Variants in ABLIM2 observed in about 807,000 individuals in gnomAD.
The protein encoded by ABLIM2 is actin-binding LIM protein 2.
In ABLIM2, 53 loss-of-function variants were observed where a neutral mutation model predicts 97.7. The ratio of observed to expected loss-of-function variants is 0.54; its 90% CI spans 0.44 to 0.68. ABLIM2 has a LOEUF of 0.68. Among genes scored for constraint, ABLIM2 ranks in the 30% least tolerant of loss-of-function variants. The probability of loss-of-function intolerance (pLI) is 0.00; values close to 1 mark genes in which losing one functional copy is unlikely to be tolerated. For synonymous variants in ABLIM2, 361 were observed against 345.8 expected (o/e 1.04, Z -0.49); for missense variants, 835 against 867.2 (o/e 0.96, Z 0.47).
intron 20 of ABLIM2, among the ~76,000 whole-genome samples, chr4:7,980,332 C>T (rs1237249309): frequency 6.6e-6 from 1 of 152,126 alleles, no homozygotes; most frequent in African/African-American, 2.4e-5. Context: ...TCCTGTATGA[C>T]TCTAGTATAG....
At chr4:8,025,486 C>A (rs954010890) in intron 12 of ABLIM2, among the ~76,000 whole-genome samples, 1 of 152,054 alleles carries the variant, frequency 6.6e-6, no homozygotes, top group Non-Finnish European at 1.5e-5. Context: ...TGCTACAAGG[C>A]GTGGAAGGAA....
At chr4:7,973,609 T>C (rs535918280) in intron 20 of ABLIM2, among the ~76,000 whole-genome samples, 51 of 152,260 alleles carry the variant, frequency 3.3e-4, no homozygotes, top group African/African-American at 1.2e-3. Flanking sequence ...TTAAGCAGTT[T>C]GGTTTTTAGC....
intron 20 of ABLIM2, among the ~76,000 whole-genome samples, chr4:7,974,513 A>G (rs188529853): frequency 2.0e-5 from 3 of 146,776 alleles, no homozygotes; most frequent in South Asian, 4.3e-4. Flanking sequence ...TAATCCATTC[A>G]TCTGTCCACC....
In ABLIM2 at chr4:8,087,979, C is replaced by T. The variant is rs1411595852; in HGVS notation, c.454+190G>A. On this transcript the variant is annotated intron_variant, in intron 4 of 20. Coordinates refer to ENST00000447017, the MANE Select transcript of ABLIM2 (RefSeq NM_001130083.2). The surrounding 1 kb of genome is among the most constrained non-coding windows in gnomAD (Gnocchi z 4.6). The stretch of plus-strand genomic sequence containing the variant: ...TGCAGAGACCAAGCCCCCAACTCAG[C>T]ACCCCCCCCACAACCAGCAAGCCCC... 7.3e-6 allele frequency among the ~76,000 whole-genome samples: 1 copy of T among 137,142 alleles called. No individual in the cohort carries two copies. The highest frequency in any genetic ancestry group is 1.6e-5 in the Non-Finnish European group (1 of 63,388). The allele number at this position is 137,142 out of a possible 152,430, so 90.0% of individuals were successfully genotyped here.
intron 4 of ABLIM2, 88 bp from the exon 5 acceptor site, chr4:8,080,890 C>T: frequency 6.7e-7 from 1 of 1,490,186 alleles, no homozygotes; most frequent in Non-Finnish European, 9.0e-7. Flanking sequence ...CGTGAAGGCC[C>T]CTGGGGCAGC....
At chr4:8,028,964 G>GAA (rs1197093589) in intron 11 of ABLIM2, among the ~76,000 whole-genome samples, 1 of 152,236 alleles carries the variant, frequency 6.6e-6, no homozygotes, top group Non-Finnish European at 1.5e-5. Context: ...AAGCAGCTTG[G>GAA]AAAAATCCCT....
At position 8,019,756 on chromosome 4, in the gene ABLIM2, G is replaced by C; in HGVS notation, c.1370-85C>G. The C allele has an allele frequency of 7.7e-7, 1 of 1,296,620 alleles. No homozygotes were observed. The highest frequency in any genetic ancestry group is 1.9e-5 in the Admixed American group (1 of 53,014). The allele number at this position is 1,296,620 out of a possible 1,614,324, so 80.3% of individuals were successfully genotyped here. A position where few individuals can be genotyped will look rare whatever the true frequency, so the allele number is the denominator to read the frequency against. On this transcript the variant is annotated intron_variant, in intron 13 of 20. Coordinates refer to ENST00000447017, the MANE Select transcript of ABLIM2 (RefSeq NM_001130083.2). This position sits in a 1 kb window ranked among gnomAD's most constrained non-coding sequence, Gnocchi z 4.3. ...GTTTCTGTTCTACAGCTTTTTGTAA[G>C]CAACAAGCACTCACCCAGATTTAGA...
At chr4:8,040,969 C>T (rs537610577) in intron 9 of ABLIM2, among the ~76,000 whole-genome samples, 1 of 152,364 alleles carries the variant, frequency 6.6e-6, no homozygotes, top group South Asian at 2.1e-4. Flanking sequence ...CTGGGCAGCT[C>T]TGAGGCCAAG....
intron 14 of ABLIM2, among the ~76,000 whole-genome samples, chr4:8,014,572 T>G (rs752374298): frequency 6.6e-6 from 1 of 152,246 alleles, no homozygotes; most frequent in Non-Finnish European, 1.5e-5. Context: ...GCCTCTCACC[T>G]GTCTGGCCGT....
At chr4:8,146,871 A>C (rs1289807961) in intron 1 of ABLIM2, among the ~76,000 whole-genome samples, 2 of 151,962 alleles carry the variant, frequency 1.3e-5, no homozygotes, top group Admixed American at 6.6e-5. Flanking sequence ...GAATACAATA[A>C]ATATCAAGAA....
rs909434195 is a variant in ABLIM2 at position 7,966,656 on chromosome 4, G to A, written c.*334C>T. The A allele has an allele frequency of 7.5e-6, 2 of 264,998 alleles. No individual in the cohort carries two copies. The highest frequency in any genetic ancestry group is 7.9e-5 in the East Asian group (1 of 12,656). 16.4% of individuals were successfully genotyped at this position (264,998 alleles called of 1,614,324 possible). A position where few individuals can be genotyped will look rare whatever the true frequency, so the allele number is the denominator to read the frequency against. On this transcript the variant is annotated 3_prime_UTR_variant, in exon 21 of 21. Transcript: ENST00000447017. ...CTCTGTCCCCCACGTGCCCAGCACC[G>A]GGGCCAGGGCACCTCGAGAACGCTG...
chr4:8,014,392 T>G (rs1767282913), intron 14 of ABLIM2, among the ~76,000 whole-genome samples: 1 of 152,256 alleles, frequency 6.6e-6, no homozygotes, highest in Non-Finnish European at 1.5e-5. Context: ...AGGATTTTTT[T>G]CTGTTCTTCT....
chr4:8,065,807 C>G (rs1440332485), intron 6 of ABLIM2, among the ~76,000 whole-genome samples: 3 of 151,890 alleles, frequency 2.0e-5, no homozygotes, highest in African/African-American at 7.3e-5. Flanking sequence ...GCCTGTAATC[C>G]CAGCTACTCA....
At chr4:8,109,987 G>A (rs1839503369) in intron 1 of ABLIM2, among the ~76,000 whole-genome samples, 2 of 152,350 alleles carry the variant, frequency 1.3e-5, no homozygotes, top group Non-Finnish European at 1.5e-5. Context: ...AAAGATGGTG[G>A]GGAGGGTACA....
intron 16 of ABLIM2, chr4:8,007,850 C>T (rs1221358808): frequency 1.1e-5 from 15 of 1,374,738 alleles, no homozygotes; most frequent in Non-Finnish European, 1.4e-5. Context: ...CCCTCGTTAG[C>T]ACACTGGCTC....
At chr4:8,060,723 C>G (rs1476453638) in intron 7 of ABLIM2, among the ~76,000 whole-genome samples, 1 of 152,218 alleles carries the variant, frequency 6.6e-6, no homozygotes, top group African/African-American at 2.4e-5. Flanking sequence ...TGGTCTTTGG[C>G]TCGGCCCTTT....
chr4:7,969,724 C>T (rs968851913), intron 20 of ABLIM2, among the ~76,000 whole-genome samples: 3 of 115,210 alleles, frequency 2.6e-5, no homozygotes, highest in Non-Finnish European at 5.2e-5. Flanking sequence ...CTTTCTCTCT[C>T]TCTCTGACAC....
chr4:8,057,899 G>A (rs1283544629), intron 7 of ABLIM2, among the ~76,000 whole-genome samples: 1 of 152,244 alleles, frequency 6.6e-6, no homozygotes, highest in Non-Finnish European at 1.5e-5. Flanking sequence ...AGGATGACCA[G>A]GCAGGGTGGG....
Position 8,049,456 on chromosome 4 carries a change from G to A in ABLIM2, c.823-4215C>T, listed in dbSNP as rs112229046. 5.4e-3 allele frequency among the ~76,000 whole-genome samples: 824 copies of A among 152,296 alleles called. 9 individuals carry two copies. Among genetic ancestry groups the A allele is most frequent in the African/African-American group, 0.017 (715 of 41,564 alleles). ...AATGGACTCTATCCACTTGGCCAGG[G>A]CATGCCAAAGTTAACCTGAAAGACT... On this transcript the variant is annotated intron_variant, in intron 8 of 20. Transcript: ENST00000447017.
Sources: allele counts gnomAD v4.1 joint callset (sites outside exome capture counted in the v4.1 genomes callset), GRCh38; gene constraint gnomAD v4.1.1; non-coding constraint Gnocchi (gnomAD v3.1); transcripts MANE v1.5; gene names NCBI Gene and HGNC (gene_info 2026-07-23, HGNC 2026-07-21).